ARID2: variants seen among roughly 807,000 people sequenced by gnomAD.
ARID2 encodes AT-rich interaction domain 2.
A neutral mutation model predicts 184.6 loss-of-function variants in ARID2; 32 were observed. That is an observed-to-expected ratio of 0.17 (90% CI 0.13 to 0.23). The LOEUF (loss-of-function observed/expected upper bound fraction) is 0.23, where lower values mean the gene tolerates loss of function less well. Among genes scored for constraint, ARID2 ranks in the 10% least tolerant of loss-of-function variants. The pLI is 1.00. For synonymous variants in ARID2, 836 were observed against 772.6 expected (o/e 1.08, Z -1.36); for missense variants, 1,696 against 2,197.6 (o/e 0.77, Z 4.56).
At chr12:45,748,797 C>A (rs1007577258) in intron 3 of ARID2, among the ~76,000 whole-genome samples, 1 of 152,090 alleles carries the variant, frequency 6.6e-6, no homozygotes, top group Non-Finnish European at 1.5e-5. Flanking sequence ...TCTCAATAAA[C>A]CATTTTCTTT....
At chr12:45,854,652 T>C (rs1943612441) in intron 15 of ARID2, among the ~76,000 whole-genome samples, 1 of 152,206 alleles carries the variant, frequency 6.6e-6, no homozygotes, top group African/African-American at 2.4e-5. Context: ...CAATCCTAAA[T>C]AGTTATAACA....
intron 16 of ARID2, among the ~76,000 whole-genome samples, chr12:45,880,590 C>G (rs577458184): frequency 6.6e-6 from 1 of 152,156 alleles, no homozygotes; most frequent in African/African-American, 2.4e-5. Flanking sequence ...TCAGTTGCCT[C>G]ATGGATAAGA....
chr12:45,811,220 AAAG>A (rs1463246749), intron 3 of ARID2, among the ~76,000 whole-genome samples, 195 bp from the exon 4 acceptor site: 4 of 151,850 alleles, frequency 2.6e-5, no homozygotes, highest in African/African-American at 9.7e-5. Context: ...AAAAAAAAAA[AAAG>A]AACCATTGCA....
chr12:45,864,195 C>G (rs1286202679), intron 16 of ARID2, among the ~76,000 whole-genome samples: 1 of 152,018 alleles, frequency 6.6e-6, no homozygotes. Flanking sequence ...AAGCCCCACT[C>G]CCTCTTATAT....
At chr12:45,876,510 C>T (rs112388807) in intron 16 of ARID2, among the ~76,000 whole-genome samples, 5 of 150,080 alleles carry the variant, frequency 3.3e-5, no homozygotes, top group South Asian at 2.1e-4. Flanking sequence ...GAGATTGTGC[C>T]GTTGCACTCC....
intron 3 of ARID2, among the ~76,000 whole-genome samples, chr12:45,734,029 T>TA (rs1380815267): frequency 3.3e-5 from 5 of 151,936 alleles, no homozygotes; most frequent in South Asian, 2.1e-4. Context: ...AATTAAAAAT[T>TA]AAAAAAAAGT....
At chr12:45,754,851 A>G (rs1194359090) in intron 3 of ARID2, among the ~76,000 whole-genome samples, 1 of 152,238 alleles carries the variant, frequency 6.6e-6, no homozygotes, top group Non-Finnish European at 1.5e-5. Flanking sequence ...TGTGGCTAAT[A>G]GAATCAATGA....
chr12:45,804,921 A>G (rs1338160909), intron 3 of ARID2, among the ~76,000 whole-genome samples: 7 of 152,096 alleles, frequency 4.6e-5, no homozygotes, highest in East Asian at 1.9e-4. Context: ...TGATCTTCAT[A>G]TAAGTGGAAT....
At chr12:45,878,558 T>G (rs1339466531) in intron 16 of ARID2, among the ~76,000 whole-genome samples, 1 of 152,198 alleles carries the variant, frequency 6.6e-6, no homozygotes, top group African/African-American at 2.4e-5. Context: ...CTGTTACAGT[T>G]TTTTTCATAT....
At chr12:45,747,374 G>A (rs1166074868) in intron 3 of ARID2, among the ~76,000 whole-genome samples, 2 of 152,124 alleles carry the variant, frequency 1.3e-5, no homozygotes, top group Admixed American at 1.3e-4. Context: ...CAGGGAAAAA[G>A]CCTGTAAGTA....
At chr12:45,887,740 C>G (rs559118729) in intron 16 of ARID2, among the ~76,000 whole-genome samples, 24 of 152,294 alleles carry the variant, frequency 1.6e-4, no homozygotes, top group African/African-American at 5.3e-4. Context: ...CCAGGCATCT[C>G]CCTTCTGCAA....
chr12:45,738,959 T>A (rs1941187608), intron 3 of ARID2, among the ~76,000 whole-genome samples: 1 of 151,874 alleles, frequency 6.6e-6, no homozygotes, highest in Non-Finnish European at 1.5e-5. Context: ...CTGTACATTT[T>A]ACAGAGTGTT....
chr12:45,825,301 A>G (rs1245090540), intron 6 of ARID2, among the ~76,000 whole-genome samples: 1 of 152,160 alleles, frequency 6.6e-6, no homozygotes, highest in Non-Finnish European at 1.5e-5. Flanking sequence ...CCCAAATACC[A>G]TTATTTGATT....
intron 3 of ARID2, among the ~76,000 whole-genome samples, chr12:45,809,591 C>T (rs559586790): frequency 6.6e-6 from 1 of 152,288 alleles, no homozygotes; most frequent in African/African-American, 2.4e-5. Context: ...TGTACACTTG[C>T]CTACCATTTT....
intron 16 of ARID2, among the ~76,000 whole-genome samples, chr12:45,866,380 G>T (rs750149825): frequency 2.6e-5 from 4 of 152,104 alleles, no homozygotes; most frequent in Non-Finnish European, 4.4e-5. Context: ...CATATTAAGG[G>T]TATTTAGGAT....
rs545415503 is a variant in ARID2 at position 45,852,322 on chromosome 12, A to T, written c.4199A>T (p.Asp1400Val). 4 of 1,614,194 alleles carry T rather than the reference A, an allele frequency of 2.5e-6. No individual in the cohort carries two copies. In the South Asian group the frequency reaches 4.4e-5, roughly 18 times the overall value. Reference sequence around the variant, plus strand: ...CCAATGGAACCACAAGGGACTTTAGATATCACTCAGCAAGATACTGCCAAA... The same window carrying T: ...CCAATGGAACCACAAGGGACTTTAGTTATCACTCAGCAAGATACTGCCAAA... ...ISPMEPQGTLDITQQDTAKGD... is the reference protein window; with the variant it reads ...ISPMEPQGTLVITQQDTAKGD... Residue 1400 changes from aspartate (D) to valine (V), a missense_variant, in exon 15 of 21, where the codon GAT becomes GTT. Asp to Val is a radical substitution (Grantham distance 152, BLOSUM62 -3). Around this residue, in one of 11 missense-constraint regions of ARID2, gnomAD observed 428 missense variants for 409.1 expected, o/e 1.05. Coordinates refer to ENST00000334344, the MANE Select transcript of ARID2 (RefSeq NM_152641.4).
chr12:45,892,090 C>T lies in ARID2; in HGVS notation c.5141C>T (p.Ser1714Phe), dbSNP rs753168445. 13 of 1,612,958 alleles carry T rather than the reference C, an allele frequency of 8.1e-6. No individual in the cohort carries two copies. Among genetic ancestry groups the T allele is most frequent in the Non-Finnish European group, 9.3e-6 (11 of 1,179,638 alleles). Residue 1714 changes from serine (S) to phenylalanine (F), a missense_variant, in exon 18 of 21, where the codon TCT (serine) becomes TTT (phenylalanine). By Grantham distance (155) the Ser-to-Phe change is radical. Coordinates refer to ENST00000334344, the MANE Select transcript of ARID2 (RefSeq NM_152641.4). ...GGACAAGCAGGAAGTCAGAAGTCTT[C>T]TACCAAGTAAGGAAAATGAGTTTAC... ...EPGQAGSQKS[S>F]TKQPTVGGTS...
intron 16 of ARID2, among the ~76,000 whole-genome samples, chr12:45,877,176 G>A (rs1944023612): frequency 6.6e-6 from 1 of 152,066 alleles, no homozygotes; most frequent in South Asian, 2.1e-4. Context: ...TGCTATACAG[G>A]TACTGGTCCG....
chr12:45,904,145 A>G (rs548842370), intron 20 of ARID2, among the ~76,000 whole-genome samples: 5 of 152,286 alleles, frequency 3.3e-5, no homozygotes, highest in Admixed American at 2.6e-4. Flanking sequence ...AAGATTGATA[A>G]GTTTTTAGAA....
Sources: allele counts gnomAD v4.1 joint callset (sites outside exome capture counted in the v4.1 genomes callset), GRCh38; gene constraint gnomAD v4.1.1; regional missense constraint gnomAD v4.1.1; transcripts MANE v1.5; gene names NCBI Gene and HGNC (gene_info 2026-07-23, HGNC 2026-07-21).